UBE2V1: variants seen among roughly 807,000 people sequenced by gnomAD.
The protein encoded by UBE2V1 is ubiquitin conjugating enzyme E2 V1, also known as ubiquitin-conjugating enzyme E2 variant 1.
UBE2V1 carries 15 observed loss-of-function variants against 19.6 expected under a neutral mutation model. That is an observed-to-expected ratio of 0.77 (90% CI 0.51 to 1.18). UBE2V1 has a LOEUF of 1.18. UBE2V1 is among the 50% of genes most tolerant of loss of function. UBE2V1 has a pLI of 0.00. For synonymous variants in UBE2V1, 60 were observed against 60.7 expected, an observed-to-expected ratio of 0.99 and a Z score of 0.05; for missense variants, 125 against 184.8, an observed-to-expected ratio of 0.68 and a Z score of 1.88.
At chr20:50,111,612 G>A in intron 1 of UBE2V1, 1 of 998,870 alleles carries the variant, frequency 1.0e-6, no homozygotes, top group Non-Finnish European at 1.2e-6. Context: ...TATTCTGCAA[G>A]AAGACCCCAC....
In UBE2V1 at chr20:50,100,966, C is replaced by T. The variant is rs150291490; in HGVS notation, c.23-4146G>A. ...TTTAATTTTTACTTGTGAAGTAGGG[C>T]AAAATATATTAGTAATTAATCCTAT... On this transcript the variant is annotated intron_variant, in intron 1 of 3. Transcript: ENST00000371674. 1.7e-3 allele frequency among the ~76,000 whole-genome samples: 258 copies of T among 152,250 alleles called. 2 individuals carry two copies. The highest frequency in any genetic ancestry group is 6.8e-3 in the Middle Eastern group (2 of 294).
intron 2 of UBE2V1, chr20:50,096,458 T>C: frequency 2.4e-6 from 3 of 1,229,520 alleles, no homozygotes; most frequent in Non-Finnish European, 3.4e-6. Context: ...ATTCACACTA[T>C]GAGTCTAAAC....
At position 50,107,156 on chromosome 20, in the gene UBE2V1, C is replaced by A. The variant is rs539171987; in HGVS notation, c.22+5951G>T. ...AGTTAGCCTGCCCAGGAGATCTGTT[C>A]TTCTCCTTCTCTAGAGCAATGGTTC... is the stretch of plus-strand genomic sequence containing the variant. On this transcript the variant is annotated intron_variant, in intron 1 of 3. Transcript: ENST00000371674. Among the ~76,000 whole-genome samples, 48 of 152,350 alleles carry A rather than the reference C, an allele frequency of 3.2e-4. No individual in the cohort carries two copies. The Middle Eastern group carries it at 0.01, about 32-fold the overall frequency.
intron 2 of UBE2V1, among the ~76,000 whole-genome samples, chr20:50,089,180 T>G (rs2079086930): frequency 6.6e-6 from 1 of 151,990 alleles, no homozygotes; most frequent in African/African-American, 2.4e-5. Context: ...GGATGGAAAC[T>G]CTTAAGGGAG....
intron 1 of UBE2V1, among the ~76,000 whole-genome samples, chr20:50,112,846 C>A (rs1193881120): frequency 6.6e-6 from 1 of 152,302 alleles, no homozygotes; most frequent in East Asian, 1.9e-4. Flanking sequence ...CTCCCCCAGA[C>A]AGCACAGAGG....
chr20:50,087,393 CAAA>C (rs10716682), intron 2 of UBE2V1, among the ~76,000 whole-genome samples: 14 of 101,368 alleles, frequency 1.4e-4, no homozygotes, highest in Admixed American at 2.1e-4. Context: ...GACACTTTGT[CAAA>C]AAAAAAAAAA....
At chr20:50,111,571 A>G (rs1212763766) in intron 1 of UBE2V1, 3 of 1,000,260 alleles carry the variant, frequency 3.0e-6, no homozygotes, top group Non-Finnish European at 3.6e-6. Flanking sequence ...AGCTGAAACC[A>G]AAATCGAGTA....
At chr20:50,111,154 G>T in intron 1 of UBE2V1, 3 of 711,372 alleles carry the variant, frequency 4.2e-6, no homozygotes, top group Non-Finnish European at 5.2e-6. Flanking sequence ...ACAGACAAAA[G>T]AATTTTGGGA....
chr20:50,101,430 T>G (rs1196646314), intron 1 of UBE2V1, among the ~76,000 whole-genome samples: 1 of 151,314 alleles, frequency 6.6e-6, no homozygotes, highest in Admixed American at 6.6e-5. Context: ...TTTTTTTTTT[T>G]TTTTTGAGAC....
chr20:50,103,050 C>A (rs1377483058), intron 1 of UBE2V1, among the ~76,000 whole-genome samples: 1 of 152,178 alleles, frequency 6.6e-6, no homozygotes, highest in Admixed American at 6.5e-5. Context: ...GTACTCATTG[C>A]CACTCGACAT....
intron 1 of UBE2V1, among the ~76,000 whole-genome samples, chr20:50,098,034 A>G (rs902079401): frequency 6.6e-6 from 1 of 152,240 alleles, no homozygotes; most frequent in Admixed American, 6.5e-5. Context: ...ACAAAAATGA[A>G]TATGTAAATT....
upstream of UBE2V1, among the ~76,000 whole-genome samples, chr20:50,113,958 T>C (rs1454677568): frequency 6.6e-6 from 1 of 152,052 alleles, no homozygotes; most frequent in Admixed American, 6.6e-5. Flanking sequence ...CAGGAAACTA[T>C]AATTCTGATA....
intron 1 of UBE2V1, among the ~76,000 whole-genome samples, chr20:50,099,817 G>T (rs1044782749): frequency 1.3e-5 from 2 of 152,168 alleles, no homozygotes; most frequent in African/African-American, 4.8e-5. Context: ...CTAAAACTTG[G>T]TCAGCTGGGT....
chr20:50,094,010 A>AAAAAAAAAT (rs2079416552), intron 2 of UBE2V1, among the ~76,000 whole-genome samples: 4 of 94,706 alleles, frequency 4.2e-5, no homozygotes, highest in Non-Finnish European at 5.7e-5. Flanking sequence ...AAAAAAAAAA[A>AAAAAAAAAT]AATAATAATA....
intron 2 of UBE2V1, among the ~76,000 whole-genome samples, chr20:50,090,473 C>CAAAAA (rs34134046): frequency 1.0e-5 from 1 of 96,718 alleles, no homozygotes; most frequent in African/African-American, 3.5e-5. Context: ...GACTCTGTCT[C>CAAAAA]AAAAAAAAAA....
chr20:50,113,341 CCA>C, upstream of UBE2V1: 1 of 389,614 alleles, frequency 2.6e-6, no homozygotes, highest in Non-Finnish European at 4.5e-6. Context: ...CTGCAAGTCC[CCA>C]CACATCGGGT....
chr20:50,094,008 AAAAAT>A (rs2079414544), intron 2 of UBE2V1, among the ~76,000 whole-genome samples: 7 of 124,064 alleles, frequency 5.6e-5, no homozygotes, highest in East Asian at 2.1e-4. Context: ...AAAAAAAAAA[AAAAAT>A]AATAATAATA....
intron 2 of UBE2V1, among the ~76,000 whole-genome samples, chr20:50,094,031 T>TAATAATAATAAA (rs1555876574): frequency 1.8e-4 from 12 of 68,148 alleles, no homozygotes; most frequent in African/African-American, 7.4e-4. Flanking sequence ...ATAATAATAA[T>TAATAATAATAAA]AAAATATATA....
intron 1 of UBE2V1, among the ~76,000 whole-genome samples, chr20:50,097,161 C>A (rs1444117005): frequency 6.6e-6 from 1 of 152,138 alleles, no homozygotes; most frequent in Non-Finnish European, 1.5e-5. Flanking sequence ...TGAAAACCAT[C>A]AATATCAGGT....
Sources: allele counts gnomAD v4.1 joint callset (sites outside exome capture counted in the v4.1 genomes callset), GRCh38; gene constraint gnomAD v4.1.1; transcripts MANE v1.5; gene names NCBI Gene and HGNC (gene_info 2026-07-23, HGNC 2026-07-21).